Variants in OSBPL1A observed in about 807,000 individuals in gnomAD.
OSBPL1A encodes the protein oxysterol binding protein like 1A.
OSBPL1A carries 80 observed loss-of-function variants against 137.1 expected under a neutral mutation model. That is an observed-to-expected ratio of 0.58 (90% CI 0.49 to 0.70). The LOEUF (loss-of-function observed/expected upper bound fraction) is 0.70. Among genes scored for constraint, OSBPL1A ranks in the 30% least tolerant of loss-of-function variants. The pLI, the probability that OSBPL1A is intolerant of heterozygous loss-of-function variation, is 0.00. For synonymous variants in OSBPL1A, 365 were observed against 389.7 expected (o/e 0.94, Z 0.75); for missense variants, 970 against 1,129.4 (o/e 0.86, Z 2.02).
chr18:24,389,808 G>C (rs567512455), intron 1 of OSBPL1A, among the ~76,000 whole-genome samples: 30 of 151,980 alleles, frequency 2.0e-4, no homozygotes, highest in Non-Finnish European at 3.2e-4. Context: ...CAGGTATGGT[G>C]GTGCATGCCT....
At chr18:24,272,403 C>T (rs1015800901) in intron 15 of OSBPL1A, among the ~76,000 whole-genome samples, 1 of 152,074 alleles carries the variant, frequency 6.6e-6, no homozygotes, top group Non-Finnish European at 1.5e-5. Context: ...GCAGTCTTCA[C>T]ATATTTATTG....
intron 7 of OSBPL1A, among the ~76,000 whole-genome samples, chr18:24,331,799 A>G (rs1047048587): frequency 9.2e-5 from 14 of 152,168 alleles, no homozygotes; most frequent in African/African-American, 3.4e-4. Flanking sequence ...TCCTCATTAT[A>G]TACGTATTCC....
At chr18:24,303,126 G>C (rs1018023509) in intron 14 of OSBPL1A, among the ~76,000 whole-genome samples, 1 of 151,920 alleles carries the variant, frequency 6.6e-6, no homozygotes, top group Non-Finnish European at 1.5e-5. Flanking sequence ...TCAGCCTCCC[G>C]AGTAGCTGGG....
intron 15 of OSBPL1A, among the ~76,000 whole-genome samples, chr18:24,272,752 C>T (rs944774704): frequency 2.0e-5 from 3 of 152,138 alleles, no homozygotes; most frequent in African/African-American, 7.2e-5. Flanking sequence ...ATCCTAGGTA[C>T]TTTAAGTCCC....
chr18:24,396,869 A>G (rs1440795732), intron 1 of OSBPL1A, among the ~76,000 whole-genome samples: 1 of 152,250 alleles, frequency 6.6e-6, no homozygotes, highest in Non-Finnish European at 1.5e-5. Flanking sequence ...ATTACAGGGC[A>G]AAGACTGAAG....
chr18:24,179,824 C>G lies in OSBPL1A; in HGVS notation c.1824G>C (p.Ala608=), dbSNP rs138436576. The stretch of plus-strand genomic sequence containing the variant: ...GAGAAGCAACAGCAGATACAGCAAA[C>G]GCAGCTACACACTGTGGGACAGAGC... ...DPVERMQCVA[A]FAVSAVASQW... The change falls in exon 20 of 28, where the codon GCG becomes GCC. Residue 608 remains alanine, a synonymous_variant. Transcript: ENST00000319481. 9 of 1,613,996 alleles carry G rather than the reference C, an allele frequency of 5.6e-6. No individual in the cohort carries two copies. Among genetic ancestry groups the G allele is most frequent in the Non-Finnish European group, 7.6e-6 (9 of 1,179,910 alleles).
At chr18:24,288,801 A>G (rs1301387431) in intron 14 of OSBPL1A, among the ~76,000 whole-genome samples, 2 of 151,606 alleles carry the variant, frequency 1.3e-5, no homozygotes, top group Non-Finnish European at 2.9e-5. Context: ...CAGTGTGTCC[A>G]GCCAAGAAGT....
At chr18:24,331,256 T>A (rs2091072170) in intron 7 of OSBPL1A, among the ~76,000 whole-genome samples, 1 of 152,074 alleles carries the variant, frequency 6.6e-6, no homozygotes, top group African/African-American at 2.4e-5. Context: ...AGCCAACAAA[T>A]ACCATGGGGT....
At chr18:24,220,973 G>A (rs954437701) in intron 17 of OSBPL1A, among the ~76,000 whole-genome samples, 1 of 152,002 alleles carries the variant, frequency 6.6e-6, no homozygotes, top group African/African-American at 2.4e-5. Flanking sequence ...TAGAAACGGG[G>A]TTTCGCCACA....
At chr18:24,218,043 C>T (rs1413583541) in intron 17 of OSBPL1A, among the ~76,000 whole-genome samples, 1 of 151,948 alleles carries the variant, frequency 6.6e-6, no homozygotes, top group Admixed American at 6.6e-5. Context: ...GAAGAGGAAA[C>T]CTGGAGTAAA....
At chr18:24,330,995 A>G (rs1196189766) in intron 7 of OSBPL1A, among the ~76,000 whole-genome samples, 3 of 151,756 alleles carry the variant, frequency 2.0e-5, no homozygotes, top group South Asian at 2.1e-4. Context: ...GGGTTTCACC[A>G]TGTTGACCAG....
intron 14 of OSBPL1A, among the ~76,000 whole-genome samples, chr18:24,287,849 A>G (rs1056744434): frequency 6.7e-6 from 1 of 150,294 alleles, no homozygotes; most frequent in Admixed American, 6.7e-5. Flanking sequence ...TGAGCAATAA[A>G]TCACGTAGTC....
At chr18:24,360,200 A>C (rs2091600992) in intron 4 of OSBPL1A, among the ~76,000 whole-genome samples, 1 of 152,194 alleles carries the variant, frequency 6.6e-6, no homozygotes, top group South Asian at 2.1e-4. Context: ...TGAAGTCCTG[A>C]CCTCAGGTGA....
chr18:24,353,679 C>T (rs950879969), intron 4 of OSBPL1A, among the ~76,000 whole-genome samples: 1 of 151,210 alleles, frequency 6.6e-6, no homozygotes, highest in East Asian at 1.9e-4. Flanking sequence ...AAATGTCCAA[C>T]AATGATAGAC....
At chr18:24,211,186 C>T (rs546071199) in intron 17 of OSBPL1A, among the ~76,000 whole-genome samples, 132 of 152,120 alleles carry the variant, frequency 8.7e-4, no homozygotes, top group Admixed American at 2.5e-3. Flanking sequence ...AGGCTGGTCT[C>T]GAACTCCTGA....
chr18:24,183,372 A>T (rs1438017385), intron 18 of OSBPL1A, among the ~76,000 whole-genome samples: 1 of 152,050 alleles, frequency 6.6e-6, no homozygotes, highest in African/African-American at 2.4e-5. Context: ...ATGTATTTAC[A>T]CACATATGCA....
At chr18:24,384,753 C>T (rs1456668289) in intron 1 of OSBPL1A, among the ~76,000 whole-genome samples, 1 of 151,626 alleles carries the variant, frequency 6.6e-6, no homozygotes, top group Non-Finnish European at 1.5e-5. Context: ...CCCTGTAATC[C>T]CAGCTACTTG....
At chr18:24,266,134 G>A (rs532725461) in intron 15 of OSBPL1A, among the ~76,000 whole-genome samples, 1 of 152,300 alleles carries the variant, frequency 6.6e-6, no homozygotes, top group African/African-American at 2.4e-5. Flanking sequence ...CAGAGTCAAA[G>A]AGCAAGAAAA....
chr18:24,341,754 T>A, intron 4 of OSBPL1A, 96 bp from the exon 5 acceptor site: 1 of 698,748 alleles, frequency 1.4e-6, no homozygotes, highest in Non-Finnish European at 2.4e-6. Flanking sequence ...GTCTCCACAA[T>A]AGAAAAAAGC....
Sources: gnomAD v4.1 joint callset for allele counts (sites outside exome capture counted in the v4.1 genomes callset) on GRCh38, gnomAD v4.1.1 for gene constraint, MANE v1.5 for transcripts, NCBI Gene and HGNC (gene_info 2026-07-23, HGNC 2026-07-21) for gene names.